CYSLTR2: variants seen among roughly 807,000 people sequenced by gnomAD.
The protein encoded by CYSLTR2 is G-protein coupled receptor GPCR21.
For synonymous variants in CYSLTR2, 179 were observed against 160.8 expected, an observed-to-expected ratio of 1.11 and a Z score of -0.86; for missense variants, 398 against 411.9, an observed-to-expected ratio of 0.97 and a Z score of 0.29.
intron 1 of CYSLTR2, among the ~76,000 whole-genome samples, chr13:48,660,949 T>A (rs1422005547): frequency 6.6e-6 from 1 of 152,148 alleles, no homozygotes; most frequent in Non-Finnish European, 1.5e-5. Context: ...TCTGTCAGCC[T>A]TTGCAATAAC....
intron 3 of CYSLTR2, among the ~76,000 whole-genome samples, chr13:48,694,389 AC>A (rs1451635055): frequency 5.9e-5 from 9 of 152,206 alleles, no homozygotes; most frequent in African/African-American, 2.2e-4. Context: ...GACAAACAAC[AC>A]TTAGGACAAT....
chr13:48,664,086 T>A (rs1369704100), intron 1 of CYSLTR2, among the ~76,000 whole-genome samples: 1 of 152,128 alleles, frequency 6.6e-6, no homozygotes, highest in African/African-American at 2.4e-5. Flanking sequence ...GAGGATCATA[T>A]GGCTTTTGTC....
At chr13:48,677,512 C>G (rs928890877) in intron 1 of CYSLTR2, among the ~76,000 whole-genome samples, 6 of 152,060 alleles carry the variant, frequency 3.9e-5, no homozygotes, top group African/African-American at 1.4e-4. Flanking sequence ...GAGTCAAGCC[C>G]GTTCTCCTGG....
intron 1 of CYSLTR2, among the ~76,000 whole-genome samples, chr13:48,664,122 A>ATGTT (rs1341740694): frequency 6.6e-6 from 1 of 151,976 alleles, no homozygotes; most frequent in Non-Finnish European, 1.5e-5. Flanking sequence ...GTGATGTATG[A>ATGTT]TGTTTATTTA....
At chr13:48,672,622 T>TTTC (rs1953469386) in intron 1 of CYSLTR2, among the ~76,000 whole-genome samples, 4 of 144,138 alleles carry the variant, frequency 2.8e-5, no homozygotes, top group East Asian at 1.9e-4. Flanking sequence ...TTTTCTTTTT[T>TTTC]TTTTTTTTTT....
chr13:48,704,466 G>T (rs1594027146), intron 4 of CYSLTR2, among the ~76,000 whole-genome samples: 1 of 149,396 alleles, frequency 6.7e-6, no homozygotes, highest in African/African-American at 2.4e-5. Context: ...ATTTTTTTCT[G>T]TTTTCAATTT....
At chr13:48,686,963 G>A (rs917600236) in intron 1 of CYSLTR2, among the ~76,000 whole-genome samples, 14 of 152,164 alleles carry the variant, frequency 9.2e-5, no homozygotes, top group African/African-American at 3.4e-4. Context: ...GTAAATCAGT[G>A]GACTGTGTGG....
At chr13:48,670,180 C>G (rs574967691) in intron 1 of CYSLTR2, among the ~76,000 whole-genome samples, 83 of 152,182 alleles carry the variant, frequency 5.5e-4, no homozygotes, top group Non-Finnish European at 1.0e-3. Flanking sequence ...GATATTAGCC[C>G]TTTGTCAGAT....
In CYSLTR2 at chr13:48,706,865, A is replaced by G; in HGVS notation, c.48A>G (p.Glu16=). 1 of 1,614,124 alleles carries G rather than the reference A, an allele frequency of 6.2e-7. No homozygotes were observed. The highest frequency in any genetic ancestry group is 8.5e-7 in the Non-Finnish European group (1 of 1,179,964). ...TGCAACCATCCATCTCCGTATCAGA[A>G]ATGGAACCAAATGGCACCTTCAGCA... ...MSLQPSISVS[E]MEPNGTFSNN... is the part of the protein sequence containing the mutation. Residue 16 remains glutamate, a synonymous_variant, in exon 5 of 5, where the codon GAA becomes GAG. Transcript: ENST00000682523.
intron 1 of CYSLTR2, among the ~76,000 whole-genome samples, chr13:48,678,852 T>A (rs1246406063): frequency 6.6e-6 from 1 of 152,026 alleles, no homozygotes; most frequent in Non-Finnish European, 1.5e-5. Flanking sequence ...TAGCTCTCAG[T>A]CCCATCCAGG....
At chr13:48,703,273 C>A (rs926033573) in intron 4 of CYSLTR2, among the ~76,000 whole-genome samples, 1 of 145,738 alleles carries the variant, frequency 6.9e-6, no homozygotes, top group Non-Finnish European at 1.6e-5. Flanking sequence ...AGCATTTTAT[C>A]TCTTCCTTTC....
chr13:48,660,280 A>G (rs1312095979), intron 1 of CYSLTR2, among the ~76,000 whole-genome samples: 1 of 152,212 alleles, frequency 6.6e-6, no homozygotes, highest in East Asian at 1.9e-4. Flanking sequence ...AATCCCTGCT[A>G]CATCCCTGGG....
chr13:48,688,971 C>G (rs1305917837), intron 1 of CYSLTR2, among the ~76,000 whole-genome samples: 1 of 152,166 alleles, frequency 6.6e-6, no homozygotes, highest in Non-Finnish European at 1.5e-5. Flanking sequence ...GAGATGGTAC[C>G]TCAATGTGGT....
chr13:48,691,527 C>T (rs1954038434), intron 2 of CYSLTR2, among the ~76,000 whole-genome samples: 1 of 152,086 alleles, frequency 6.6e-6, no homozygotes, highest in Non-Finnish European at 1.5e-5. Flanking sequence ...ACTCCAGCTT[C>T]CACAAGCTTT....
In CYSLTR2 at chr13:48,681,206, A is replaced by G. The variant is rs146094201; in HGVS notation, c.-265-10006A>G. On this transcript the variant is annotated intron_variant, in intron 1 of 4. Transcript: ENST00000682523. ...AACCAACCCCAACCTCAAGCAGAGG[A>G]ACTGAAACAATTCTAGAACTCAGTG... 1.3e-3 allele frequency among the ~76,000 whole-genome samples: 201 copies of G among 152,186 alleles called. 1 individual carries two copies. Among genetic ancestry groups the G allele is most frequent in the African/African-American group, 4.4e-3 (183 of 41,526 alleles).
intron 1 of CYSLTR2, among the ~76,000 whole-genome samples, chr13:48,681,269 C>G (rs1953748524): frequency 6.6e-6 from 1 of 152,174 alleles, no homozygotes; most frequent in Non-Finnish European, 1.5e-5. Context: ...TCTTGTGCCT[C>G]AATTCTAACA....
At chr13:48,669,812 T>C (rs1953373280) in intron 1 of CYSLTR2, among the ~76,000 whole-genome samples, 1 of 152,206 alleles carries the variant, frequency 6.6e-6, no homozygotes, top group Admixed American at 6.5e-5. Flanking sequence ...ATTGCTGGAT[T>C]GAATGGTATT....
At chr13:48,702,632 A>G (rs1017952623) in intron 4 of CYSLTR2, among the ~76,000 whole-genome samples, 2 of 152,126 alleles carry the variant, frequency 1.3e-5, no homozygotes, top group Non-Finnish European at 1.5e-5. Context: ...CTGGGTTTCT[A>G]TTCTTTTCTG....
At chr13:48,683,292 G>A (rs117078721) in intron 1 of CYSLTR2, among the ~76,000 whole-genome samples, 1,884 of 152,282 alleles carry the variant, frequency 0.012, 26 homozygotes, top group Non-Finnish European at 0.021. Flanking sequence ...TTAGCTCTCT[G>A]AAGAATCCTC....
Sources: allele counts gnomAD v4.1 joint callset (sites outside exome capture counted in the v4.1 genomes callset), GRCh38; gene constraint gnomAD v4.1.1; transcripts MANE v1.5; gene names NCBI Gene and HGNC (gene_info 2026-07-23, HGNC 2026-07-21).